The following TFAP2A variants were observed in gnomAD, a reference collection of about 807,000 sequenced individuals.
TFAP2A encodes the protein transcription factor AP-2-alpha.
In TFAP2A, 7 loss-of-function variants were observed where a neutral mutation model predicts 41.5. The ratio of observed to expected loss-of-function variants is 0.17; its 90% CI spans 0.10 to 0.32. TFAP2A has a LOEUF of 0.32. Among genes scored for constraint, TFAP2A ranks in the 10% least tolerant of loss-of-function variants. The probability of loss-of-function intolerance (pLI) is 1.00; values close to 1 mark genes in which losing one functional copy is unlikely to be tolerated. For missense variants in TFAP2A, 416 were observed against 563.3 expected, an observed-to-expected ratio of 0.74 and a Z score of 2.65; for synonymous variants, 247 against 242.8, an observed-to-expected ratio of 1.02 and a Z score of -0.16.
At chr6:10,408,302 G>C (rs1757805899) in intron 2 of TFAP2A, among the ~76,000 whole-genome samples, 1 of 152,134 alleles carries the variant, frequency 6.6e-6, no homozygotes, top group Non-Finnish European at 1.5e-5. Context: ...CCTTGTTTTT[G>C]TTTAATCTTT....
chr6:10,415,193 CGAG>C, upstream of TFAP2A: 3 of 1,487,194 alleles, frequency 2.0e-6, no homozygotes, highest in Non-Finnish European at 1.8e-6. Flanking sequence ...AGGAGGAGGG[CGAG>C]GAGAAGGGCG....
chr6:10,400,264 G>A (rs1291677834), intron 6 of TFAP2A, among the ~76,000 whole-genome samples, 184 bp downstream of exon 6: 1 of 151,330 alleles, frequency 6.6e-6, no homozygotes, highest in East Asian at 1.9e-4. Flanking sequence ...AAAAAGATGG[G>A]AGCGCCCAAG....
At chr6:10,408,332 A>C (rs1375242920) in intron 2 of TFAP2A, among the ~76,000 whole-genome samples, 1 of 152,170 alleles carries the variant, frequency 6.6e-6, no homozygotes, top group East Asian at 1.9e-4. Flanking sequence ...TCTCCTACTG[A>C]CCAATTTTGC....
rs1196033476 is a variant in TFAP2A at position 10,398,606 on chromosome 6, G to A, written c.1131C>T (p.Cys377=). 6.2e-7 allele frequency: 1 copy of A among 1,614,226 alleles called. No homozygotes were observed. Among genetic ancestry groups the A allele is most frequent in the Non-Finnish European group, 8.5e-7 (1 of 1,180,038 alleles). The part of the protein sequence containing the change: ...NPILEPGIQS[C]LTHFNLISHG... ...GGGAGATGAGGTTGAAGTGGGTCAA[G>A]CAGCTCTGGATGCCGGGCTCCAGGA... The change falls in exon 7 of 7, where the codon TGC becomes TGT. Residue 377 remains cysteine, a synonymous_variant. Transcript: ENST00000379613. The surrounding 1 kb of genome is among the most constrained non-coding windows in gnomAD (Gnocchi z 5.3).
intron 4 of TFAP2A, among the ~76,000 whole-genome samples, chr6:10,404,117 C>T (rs1183761829): frequency 6.6e-6 from 1 of 152,260 alleles, no homozygotes; most frequent in Admixed American, 6.5e-5. Context: ...TTTTCCTGGG[C>T]TTGCAAGGTG....
intron 1 of TFAP2A, among the ~76,000 whole-genome samples, chr6:10,413,637 C>CCG (rs1758100686): frequency 6.6e-6 from 1 of 152,226 alleles, no homozygotes; most frequent in South Asian, 2.1e-4. Flanking sequence ...AGGACCCCCC[C>CCG]AGGGAAGAGC....
Position 10,414,941 on chromosome 6 carries a change from C to T in TFAP2A, c.51G>A (p.Glu17=), listed in dbSNP as rs1363939394. Residue 17 remains glutamate (E), a splice_region_variant and synonymous_variant, in exon 1 of 7, where the codon GAG becomes GAA. Transcript: ENST00000379613. ...ATGATCGAGCCGGCGTCGCGCTTAC[C>T]TCGCAGTCCTCGTACTTGATATTAT... The part of the protein sequence containing the change: ...LTDNIKYEDC[E]DRHDGTSNGT... 16 of 1,613,900 alleles carry T rather than the reference C, an allele frequency of 9.9e-6. No homozygotes were observed. The highest frequency in any genetic ancestry group is 1.4e-5 in the Non-Finnish European group (16 of 1,180,010).
chr6:10,399,307 C>T (rs1761914537), intron 6 of TFAP2A, among the ~76,000 whole-genome samples: 1 of 152,188 alleles, frequency 6.6e-6, no homozygotes, highest in South Asian at 2.1e-4. Flanking sequence ...CCACACAAGC[C>T]CTGTTACTTG....
At chr6:10,412,580 G>C (rs1411708591) in intron 1 of TFAP2A, 1 of 201,318 alleles carries the variant, frequency 5.0e-6, no homozygotes, top group Non-Finnish European at 1.1e-5. Flanking sequence ...AGGACAATCA[G>C]ACCTAAAAGG....
Position 10,404,568 on chromosome 6 carries a change from T to C in TFAP2A, c.710A>G (p.Gln237Arg). Residue 237 changes from glutamine to arginine, a missense_variant, in exon 4 of 7, where the codon CAG (glutamine) becomes CGG (arginine). Physicochemically the swap from Gln to Arg is conservative, Grantham distance 43. Coordinates refer to ENST00000379613, the MANE Select transcript of TFAP2A (RefSeq NM_001372066.1). ...ACACTCGGGTGGTGAGAGCCGCCGC[T>C]GCACTTCCGCCACCGTGACCTTGTA... is the stretch of plus-strand genomic sequence containing the variant. The part of the protein sequence containing the change: ...SKYKVTVAEV[Q>R]RRLSPPECLN... 1 of 1,613,952 alleles carries C rather than the reference T, an allele frequency of 6.2e-7. No homozygotes were observed. Among genetic ancestry groups the C allele is most frequent in the Non-Finnish European group, 8.5e-7 (1 of 1,179,944 alleles).
chr6:10,414,660 C>G (rs1050601642), intron 1 of TFAP2A: 2 of 580,122 alleles, frequency 3.4e-6, no homozygotes, highest in Non-Finnish European at 3.1e-6. Context: ...AGCCCATGTT[C>G]TTCTTTTCCC....
chr6:10,406,643 T>C (rs539564564), intron 3 of TFAP2A, 150 bp downstream of exon 3: 21 of 711,292 alleles, frequency 3.0e-5, no homozygotes, highest in Non-Finnish European at 5.4e-5. Flanking sequence ...AGGCTGATTA[T>C]TTAAGCATTG....
rs761543465 is a variant in TFAP2A, at chr6:10,404,687, A to C, written c.591T>G (p.Ile197Met). The change falls in exon 4 of 7, where the codon ATT becomes ATG. Residue 197 changes from isoleucine to methionine, a missense_variant. Around this residue, in one of 3 missense-constraint regions of TFAP2A, gnomAD observed 241 missense variants for 274.1 expected, o/e 0.88. Transcript: ENST00000379613. ...CGCCGCCGAAGAGGTTGTCCTTGTT[A>C]ATAGGGATGGCGGAGACGGCATTGC... is the stretch of plus-strand genomic sequence containing the variant. Reference protein sequence around the residue: ...SNSNAVSAIPINKDNLFGGVV... With the variant: ...SNSNAVSAIPMNKDNLFGGVV... 4 of 1,614,110 alleles carry C rather than the reference A, an allele frequency of 2.5e-6. No individual in the cohort carries two copies. The South Asian group carries it at 4.4e-5, about 18-fold the overall frequency.
intron 1 of TFAP2A, chr6:10,412,345 G>T (rs886736917): frequency 8.9e-5 from 85 of 953,398 alleles, no homozygotes; most frequent in Non-Finnish European, 1.0e-4. Flanking sequence ...AGGAGAGAGC[G>T]CAGAGAGGGA....
intron 2 of TFAP2A, 165 bp downstream of exon 2, chr6:10,409,736 G>A: frequency 1.2e-6 from 1 of 812,194 alleles, no homozygotes; most frequent in Non-Finnish European, 2.0e-6. Context: ...ACTACTTTGT[G>A]TGGTTCCTCA....
Position 10,411,882 on chromosome 6 carries a change from A to AAAAAAGG in TFAP2A, c.52-1554_52-1548dup, listed in dbSNP as rs892265978. The AAAAAAGG allele has an allele frequency of 9.0e-5, 118 of 1,312,746 alleles. 1 individual carries two copies. The South Asian group carries it at 1.8e-3, about 20-fold the overall frequency. 81.3% of individuals were successfully genotyped at this position (1,312,746 alleles called of 1,614,324 possible). On this transcript the variant is annotated intron_variant, in intron 1 of 6. Coordinates refer to ENST00000379613, the MANE Select transcript of TFAP2A (RefSeq NM_001372066.1). ...AAGTTCTTTAAAAATGAAAAACCCC[A>AAAAAAGG]AAAAAGGAAAAAGGAAAAAGTATGT...
intron 3 of TFAP2A, chr6:10,405,376 G>A (rs889087928): frequency 6.6e-6 from 1 of 152,122 alleles, no homozygotes; most frequent in African/African-American, 2.4e-5. Context: ...TTTTGAAAAC[G>A]TCTCAGTTTT....
chr6:10,415,078 G>A (rs1241329226), upstream of TFAP2A: 1 of 1,612,970 alleles, frequency 6.2e-7, no homozygotes, highest in Admixed American at 1.7e-5. Flanking sequence ...GGCTGCCGGC[G>A]GTGAGCGCAG....
At chr6:10,400,377 G>A in intron 6 of TFAP2A, 71 bp downstream of exon 6, 3 of 1,604,212 alleles carry the variant, frequency 1.9e-6, no homozygotes, top group African/African-American at 2.7e-5. Context: ...AGAAGGAAGA[G>A]CAAAAACGAT....
Sources: allele counts gnomAD v4.1 joint callset (sites outside exome capture counted in the v4.1 genomes callset), GRCh38; gene constraint gnomAD v4.1.1; regional missense constraint gnomAD v4.1.1; non-coding constraint Gnocchi (gnomAD v3.1); transcripts MANE v1.5; gene names NCBI Gene and HGNC (gene_info 2026-07-23, HGNC 2026-07-21).